TAF1D: variants seen among roughly 807,000 people sequenced by gnomAD.
TAF1D encodes TATA-box binding protein associated factor, RNA polymerase I subunit D.
Under a neutral mutation model 26.2 loss-of-function variants are expected in TAF1D, and 23 were observed. That is an observed-to-expected ratio of 0.88 (90% CI 0.63 to 1.25). TAF1D has a LOEUF of 1.25. Ranked by LOEUF, TAF1D falls within the 50% of genes most tolerant of loss-of-function variation. The pLI is 0.00. For synonymous variants in TAF1D, 100 were observed against 105.6 expected, an observed-to-expected ratio of 0.95 and a Z score of 0.33; for missense variants, 299 against 322.0, an observed-to-expected ratio of 0.93 and a Z score of 0.55.
At position 93,730,410 on chromosome 11, in the gene TAF1D, A is replaced by AT. The variant is rs923447299; in HGVS notation, c.*1040_*1041insA. ...CCATCAAGGTCACTTTAGATCCTCT[A>AT]AAGAGCTGGAGTCAAAAGATTTATC... On this transcript the variant is annotated 3_prime_UTR_variant and NMD_transcript_variant, in exon 12 of 12. Coordinates refer to the TAF1D transcript ENST00000323981. 6.1e-5 allele frequency: 48 copies of AT among 792,372 alleles called. No individual in the cohort carries two copies. The African/African-American group carries it at 8.0e-4, about 13-fold the overall frequency. 49.1% of individuals were successfully genotyped at this position (792,372 alleles called of 1,614,324 possible).
intron 3 of TAF1D, 132 bp from the exon 4 acceptor site, chr11:93,737,371 T>G (rs1941013935): frequency 1.1e-5 from 6 of 528,268 alleles, no homozygotes. Context: ...TCCCCACTTG[T>G]GGACTTATCA....
At position 93,736,768 on chromosome 11, in the gene TAF1D, TATC is replaced by T. The variant is rs943403317; in HGVS notation, c.636-20_636-18del. 3.4e-5 allele frequency: 55 copies of T among 1,602,386 alleles called. No homozygotes were observed. The highest frequency in any genetic ancestry group is 2.5e-4 in the Admixed American group (14 of 56,802). Reference sequence around the variant, plus strand: ...TCCTCTGCTCTGTAATATTAAAATTTATCATCGAGATGACAGAATCTTCGATGA... The same window carrying T: ...TCCTCTGCTCTGTAATATTAAAATTTATCGAGATGACAGAATCTTCGATGA... On this transcript the variant is annotated intron_variant, in intron 4 of 5. Coordinates refer to ENST00000448108, the MANE Select transcript of TAF1D (RefSeq NM_024116.4).
downstream of TAF1D, chr11:93,735,389 AAAG>A (rs1191927747): frequency 2.0e-6 from 2 of 1,005,640 alleles, no homozygotes; most frequent in African/African-American, 3.5e-5. Context: ...ATGGTAGTTA[AAAG>A]TAGTATTAGG....
rs1239943649 is a variant in TAF1D at position 93,739,978 on chromosome 11, AAAAAG to A, written c.-27-652_-27-648del. Among the ~76,000 whole-genome samples, 253 of 150,720 alleles carry A rather than the reference AAAAAG, an allele frequency of 1.7e-3. 2 individuals are homozygous for A. The highest frequency in any genetic ancestry group is 5.9e-3 in the African/African-American group (244 of 41,072). ...CAACATACCAAAAAAAAAAAAAAAAAAAAAGAAAAAGATTCCTTCTTGTGAGCTAA... is the reference window on the plus strand; with the variant it reads ...CAACATACCAAAAAAAAAAAAAAAAAAAAAAGATTCCTTCTTGTGAGCTAA... On this transcript the variant is annotated intron_variant, in intron 1 of 5. Transcript: ENST00000448108.
chr11:93,739,609 A>T (rs1591295338), intron 1 of TAF1D, among the ~76,000 whole-genome samples: 1 of 152,224 alleles, frequency 6.6e-6, no homozygotes, highest in East Asian at 1.9e-4. Context: ...TATAAGTAAA[A>T]AATGTAGTTT....
chr11:93,739,738 G>A (rs1455765446), intron 1 of TAF1D, among the ~76,000 whole-genome samples: 1 of 151,968 alleles, frequency 6.6e-6, no homozygotes, highest in African/African-American at 2.4e-5. Flanking sequence ...ATATAAACCA[G>A]GAAAAGGATC....
intron 3 of TAF1D, 111 bp from the exon 4 acceptor site, chr11:93,737,350 A>G (rs1019349240): frequency 1.5e-6 from 1 of 653,092 alleles, no homozygotes; most frequent in Non-Finnish European, 2.6e-6. Flanking sequence ...TGAATTTGCT[A>G]TCTTAACTAC....
chr11:93,738,102 G>A lies in TAF1D; in HGVS notation c.459+7C>T. 1 of 1,542,298 alleles carries A rather than the reference G, an allele frequency of 6.5e-7. No individual in the cohort carries two copies. The highest frequency in any genetic ancestry group is 1.8e-4 in the Middle Eastern group (1 of 5,674). ...TGTGTAGCCATGTATGTAAAATGCT[G>A]ACTCACCTCAAACGTTAAAATTTTT... is the stretch of plus-strand genomic sequence containing the variant. On this transcript the variant is annotated splice_region_variant and intron_variant, in intron 3 of 5. Coordinates refer to ENST00000448108, the MANE Select transcript of TAF1D (RefSeq NM_024116.4).
downstream of TAF1D, chr11:93,731,633 G>A (rs1798510431): frequency 2.0e-6 from 1 of 506,996 alleles, no homozygotes; most frequent in Non-Finnish European, 3.9e-6. Context: ...TTACTCCTAA[G>A]TGGTGATAGA....
chr11:93,730,368 G>T (rs1266240286), exon 12 of TAF1D: 2 of 972,382 alleles, frequency 2.1e-6, no homozygotes, highest in Admixed American at 3.7e-5. Flanking sequence ...ATTCCATGTT[G>T]TGATTTCTTC....
chr11:93,738,618 AAAATTTTTT>A (rs557679553), intron 2 of TAF1D, 119 bp from the exon 3 acceptor site: 118 of 1,049,982 alleles, frequency 1.1e-4, no homozygotes, highest in Non-Finnish European at 1.5e-4. Flanking sequence ...CCCAGAATTA[AAAATTTTTT>A]AAAGGATGGG....
At chr11:93,730,291 GT>G in exon 12 of TAF1D, 1 of 1,500,632 alleles carries the variant, frequency 6.7e-7, no homozygotes, top group South Asian at 1.2e-5. Context: ...TAGTGTAAAG[GT>G]TTTTTAATTG....
At chr11:93,733,713 T>A, downstream of TAF1D, 3 of 422,362 alleles carry the variant, frequency 7.1e-6, no homozygotes, top group Non-Finnish European at 1.4e-5. Flanking sequence ...TACAGTGAGA[T>A]GTGGCAGGAT....
At chr11:93,736,797 C>T in intron 4 of TAF1D, 46 bp from the exon 5 acceptor site, 2 of 1,563,278 alleles carry the variant, frequency 1.3e-6, no homozygotes, top group East Asian at 2.3e-5. Flanking sequence ...TCTTCGATGA[C>T]CTAATTAGTT....
At chr11:93,739,186 A>G in intron 2 of TAF1D, 51 bp downstream of exon 2, 1 of 1,407,420 alleles carries the variant, frequency 7.1e-7, no homozygotes, top group East Asian at 2.3e-5. Context: ...CTCATTATAT[A>G]CAATAGTTTC....
chr11:93,731,257 A>T, downstream of TAF1D: 1 of 356,620 alleles, frequency 2.8e-6, no homozygotes, highest in Middle Eastern at 9.5e-4. Flanking sequence ...TTTACTATTA[A>T]GTACATAAAT....
At chr11:93,741,009 G>T (rs1241183342) in intron 1 of TAF1D, among the ~76,000 whole-genome samples, 1 of 152,216 alleles carries the variant, frequency 6.6e-6, no homozygotes, top group South Asian at 2.1e-4. Flanking sequence ...GAAAACCGGC[G>T]CGAGTAATGG....
At chr11:93,736,972 G>C (rs1940928188) in intron 4 of TAF1D, 92 bp downstream of exon 4, 1 of 1,206,950 alleles carries the variant, frequency 8.3e-7, no homozygotes. Flanking sequence ...CATTATTTAA[G>C]TATAACTATA....
At chr11:93,733,355 C>T (rs780272303), downstream of TAF1D, 41 of 518,792 alleles carry the variant, frequency 7.9e-5, no homozygotes, top group Middle Eastern at 3.2e-4. Context: ...CTTACCTAAG[C>T]GATCACTCAA....
Sources: gnomAD v4.1 joint callset for allele counts (sites outside exome capture counted in the v4.1 genomes callset) on GRCh38, gnomAD v4.1.1 for gene constraint, MANE v1.5 for transcripts, NCBI Gene and HGNC (gene_info 2026-07-23, HGNC 2026-07-21) for gene names.